The following VPS54 variants were observed in gnomAD, a reference collection of about 807,000 sequenced individuals.
VPS54 encodes the protein VPS54 subunit of GARP complex, also known as vacuolar protein sorting-associated protein 54.
In VPS54, 45 loss-of-function variants were observed where a neutral mutation model predicts 121.5. The observed-to-expected ratio is 0.37, with a 90% CI of 0.29 to 0.47. The LOEUF is 0.47. Ranked by LOEUF, VPS54 falls within the 20% of genes least tolerant of loss-of-function variation. The probability of loss-of-function intolerance (pLI) is 0.99; values close to 1 mark genes in which losing one functional copy is unlikely to be tolerated. For synonymous variants in VPS54, 371 were observed against 385.8 expected (o/e 0.96, Z 0.45); for missense variants, 1,090 against 1,131.4 (o/e 0.96, Z 0.52).
intron 20 of VPS54, among the ~76,000 whole-genome samples, chr2:63,906,909 A>G (rs941860899): frequency 6.6e-6 from 1 of 152,204 alleles, no homozygotes; most frequent in Non-Finnish European, 1.5e-5. Context: ...AATTTTGAAA[A>G]AGAACAAAAT....
At chr2:63,998,224 T>C (rs895481031) in intron 1 of VPS54, among the ~76,000 whole-genome samples, 1 of 152,214 alleles carries the variant, frequency 6.6e-6, no homozygotes, top group Admixed American at 6.5e-5. Flanking sequence ...TTATAGTTTG[T>C]GTCTTGAAAT....
chr2:63,966,864 G>A (rs921057665), intron 5 of VPS54, among the ~76,000 whole-genome samples: 1 of 152,102 alleles, frequency 6.6e-6, no homozygotes, highest in African/African-American at 2.4e-5. Flanking sequence ...CATAAAGTAT[G>A]CATATCTTTA....
intron 7 of VPS54, among the ~76,000 whole-genome samples, chr2:63,959,945 GGGA>G (rs1675678400): frequency 6.6e-6 from 1 of 152,050 alleles, no homozygotes; most frequent in Non-Finnish European, 1.5e-5. Flanking sequence ...GCTTGAACCC[GGGA>G]GGAGGAGGTT....
chr2:63,975,293 T>A, intron 3 of VPS54: 1 of 349,434 alleles, frequency 2.9e-6, no homozygotes, highest in Non-Finnish European at 5.2e-6. Context: ...TAGGGTGAAC[T>A]AACTTTGGGA....
At position 63,981,889 on chromosome 2, in the gene VPS54, T is replaced by C; in HGVS notation, c.137-2A>G. 1 of 1,606,370 alleles carries C rather than the reference T, an allele frequency of 6.2e-7. No individual in the cohort carries two copies. On this transcript the variant is annotated splice_acceptor_variant, in intron 2 of 22. Transcript: ENST00000272322. LOFTEE classifies it high-confidence loss of function. ...CAACATATAAACTATGTGAATCACCTGCAAAAAGTAAACAAGAGAACTCTG... is the reference window on the plus strand; with the variant it reads ...CAACATATAAACTATGTGAATCACCCGCAAAAAGTAAACAAGAGAACTCTG...
At position 63,972,167 on chromosome 2, in the gene VPS54, A is replaced by T; in HGVS notation, c.456T>A (p.His152Gln). Residue 152 changes from histidine (H) to glutamine (Q), a missense_variant and splice_region_variant, in exon 4 of 23, where the codon CAT becomes CAA. Physicochemically the swap from His to Gln is conservative, Grantham distance 24. This residue lies in a region of VPS54 where 801 missense variants were observed against 757.0 expected (regional missense o/e 1.06). Coordinates refer to ENST00000272322, the MANE Select transcript of VPS54 (RefSeq NM_016516.3). ...DTFERTLLHT[H>Q]DKSRTDLEQV... ...TCTATAAATAACACATATTCATACC[A>T]TGAGTATGTAAAAGAGTCCTTTCGA... 1 of 1,566,434 alleles carries T rather than the reference A, an allele frequency of 6.4e-7. No individual in the cohort carries two copies. Among genetic ancestry groups the T allele is most frequent in the Non-Finnish European group, 8.7e-7 (1 of 1,147,222 alleles).
rs762215094 is a variant in VPS54 at position 63,899,584 on chromosome 2, G to T, written c.2626-3C>A. On this transcript the variant is annotated splice_region_variant and splice_polypyrimidine_tract_variant and intron_variant, in intron 20 of 22. Coordinates refer to ENST00000272322, the MANE Select transcript of VPS54 (RefSeq NM_016516.3). Reference sequence around the variant, plus strand: ...GGAACAGGAGCCTTCACTTCATACTGGTAGGAAAAAATAATGAGAATTATG... The same window carrying T: ...GGAACAGGAGCCTTCACTTCATACTTGTAGGAAAAAATAATGAGAATTATG... The T allele has an allele frequency of 1.4e-5, 23 of 1,608,776 alleles. No homozygotes were observed. In the South Asian group the frequency reaches 2.4e-4, roughly 17 times the overall value.
At chr2:63,943,231 A>C (rs1674819136) in intron 10 of VPS54, among the ~76,000 whole-genome samples, 2 of 152,236 alleles carry the variant, frequency 1.3e-5, no homozygotes, top group South Asian at 4.1e-4. Flanking sequence ...AAGGTGAAAA[A>C]AAGTAATACA....
intron 4 of VPS54, among the ~76,000 whole-genome samples, chr2:63,969,877 GATCT>G (rs893750883): frequency 5.3e-4 from 80 of 152,092 alleles, no homozygotes; most frequent in Admixed American, 1.1e-3. Flanking sequence ...TTGTTTAAAA[GATCT>G]ATCATCCCAT....
intron 1 of VPS54, among the ~76,000 whole-genome samples, chr2:64,005,779 A>G (rs1012798509): frequency 2.0e-5 from 3 of 148,486 alleles, no homozygotes; most frequent in South Asian, 4.2e-4. Context: ...GAGTTAGGGA[A>G]TAAGTTAAAA....
intron 12 of VPS54, among the ~76,000 whole-genome samples, chr2:63,930,298 C>A (rs943965823): frequency 6.6e-6 from 1 of 152,048 alleles, no homozygotes; most frequent in Non-Finnish European, 1.5e-5. Context: ...AGCAGCACAT[C>A]GAAAAGCTTA....
chr2:63,997,635 T>C (rs954655016), intron 1 of VPS54, among the ~76,000 whole-genome samples: 5 of 152,026 alleles, frequency 3.3e-5, no homozygotes. Context: ...TGTTTTGTTT[T>C]ATCTTTTCAA....
chr2:63,999,372 C>G (rs1188388605), intron 1 of VPS54, among the ~76,000 whole-genome samples: 1 of 152,178 alleles, frequency 6.6e-6, no homozygotes, highest in Non-Finnish European at 1.5e-5. Context: ...ATATAGTATT[C>G]TAAGGTAAAA....
chr2:63,896,976 C>G (rs559204463), intron 22 of VPS54, among the ~76,000 whole-genome samples: 2 of 152,072 alleles, frequency 1.3e-5, no homozygotes, highest in Non-Finnish European at 2.9e-5. Flanking sequence ...GAACTTAACC[C>G]AAGTTTTCAG....
intron 21 of VPS54, among the ~76,000 whole-genome samples, chr2:63,898,714 T>C (rs529569194): frequency 6.6e-6 from 1 of 152,058 alleles, no homozygotes; most frequent in Admixed American, 6.5e-5. Flanking sequence ...ATACAGCAAC[T>C]AGACTTTAAT....
intron 1 of VPS54, among the ~76,000 whole-genome samples, chr2:64,006,662 G>C (rs1161590852): frequency 2.6e-5 from 4 of 151,770 alleles, no homozygotes; most frequent in African/African-American, 9.7e-5. Context: ...ACTGTCAGCA[G>C]GCTAGAGTGC....
chr2:64,017,360 A>T (rs984907478), intron 1 of VPS54, among the ~76,000 whole-genome samples: 2 of 108,366 alleles, frequency 1.8e-5, no homozygotes, highest in Non-Finnish European at 5.0e-5. Flanking sequence ...GAAAAGAAAC[A>T]AAAAAAAAGA....
At chr2:63,948,118 A>G (rs1026681695) in intron 8 of VPS54, among the ~76,000 whole-genome samples, 1 of 152,052 alleles carries the variant, frequency 6.6e-6, no homozygotes, top group African/African-American at 2.4e-5. Flanking sequence ...GGCCTGACCC[A>G]CTGCACCTCA....
chr2:63,983,444 ATT>A (rs58336872), intron 2 of VPS54, among the ~76,000 whole-genome samples: 93 of 120,092 alleles, frequency 7.7e-4, no homozygotes, highest in Non-Finnish European at 6.1e-4. Flanking sequence ...GCCCCAAATG[ATT>A]TTTTTTTTTT....
Sources: allele counts gnomAD v4.1 joint callset (sites outside exome capture counted in the v4.1 genomes callset), GRCh38; gene constraint gnomAD v4.1.1; regional missense constraint gnomAD v4.1.1; transcripts MANE v1.5; gene names NCBI Gene and HGNC (gene_info 2026-07-23, HGNC 2026-07-21).